Variants in RNF130 observed in about 807,000 individuals in gnomAD.
RNF130 encodes E3 ubiquitin-protein ligase RNF130.
Under a neutral mutation model 44.6 loss-of-function variants are expected in RNF130, and 21 were observed. The ratio of observed to expected loss-of-function variants is 0.47; its 90% CI spans 0.33 to 0.68. RNF130 has a LOEUF of 0.68. Ranked by LOEUF, RNF130 falls within the 30% of genes least tolerant of loss-of-function variation. The probability of loss-of-function intolerance (pLI) is 0.02; values close to 1 mark genes in which losing one functional copy is unlikely to be tolerated. For synonymous variants in RNF130, 214 were observed against 210.4 expected (o/e 1.02, Z -0.15); for missense variants, 479 against 560.6 (o/e 0.85, Z 1.47).
chr5:180,070,515 G>A (rs955458365), intron 1 of RNF130, among the ~76,000 whole-genome samples: 12 of 152,112 alleles, frequency 7.9e-5, no homozygotes, highest in African/African-American at 2.2e-4. Flanking sequence ...ACTTTATTTA[G>A]GTTGCCTACT....
intron 6 of RNF130, among the ~76,000 whole-genome samples, chr5:179,968,921 C>T (rs899982564): frequency 6.6e-6 from 1 of 152,050 alleles, no homozygotes; most frequent in Non-Finnish European, 1.5e-5. Flanking sequence ...CACTAATGCC[C>T]GATACTTTGA....
chr5:179,984,156 G>A (rs1762902030), intron 3 of RNF130, among the ~76,000 whole-genome samples: 1 of 151,980 alleles, frequency 6.6e-6, no homozygotes, highest in South Asian at 2.1e-4. Flanking sequence ...ATCTACTGTT[G>A]GTCTTTTTCA....
intron 1 of RNF130, among the ~76,000 whole-genome samples, chr5:180,044,948 A>ATCCT (rs1352044166): frequency 6.6e-6 from 1 of 152,174 alleles, no homozygotes; most frequent in African/African-American, 2.4e-5. Context: ...AGGAGGGAGG[A>ATCCT]GGGCAGGACG....
chr5:180,050,496 G>A (rs908962272), intron 1 of RNF130, among the ~76,000 whole-genome samples: 3 of 152,170 alleles, frequency 2.0e-5, no homozygotes, highest in East Asian at 1.9e-4. Context: ...CACCCTGACC[G>A]AAACACAAGA....
chr5:179,953,755 CAT>C (rs989867879), downstream of RNF130, among the ~76,000 whole-genome samples: 4 of 152,148 alleles, frequency 2.6e-5, no homozygotes, highest in African/African-American at 9.7e-5. Flanking sequence ...GAAAAATAAA[CAT>C]ATTCAACTTC....
chr5:180,003,682 G>A (rs1046808921), intron 3 of RNF130, among the ~76,000 whole-genome samples: 1 of 147,700 alleles, frequency 6.8e-6, no homozygotes, highest in African/African-American at 2.4e-5. Flanking sequence ...CTGTCTAAAA[G>A]CCACTATTTT....
chr5:179,979,861 A>G (rs1762795834), intron 4 of RNF130, among the ~76,000 whole-genome samples: 1 of 152,244 alleles, frequency 6.6e-6, no homozygotes, highest in Admixed American at 6.5e-5. Flanking sequence ...AAGTATAGGA[A>G]GAAAACACAT....
At chr5:179,951,415 G>A (rs1256534401), downstream of RNF130, among the ~76,000 whole-genome samples, 2 of 149,356 alleles carry the variant, frequency 1.3e-5, no homozygotes, top group East Asian at 3.9e-4. Flanking sequence ...ATGGAGTCTC[G>A]CTTTGTCGCC....
intron 8 of RNF130, among the ~76,000 whole-genome samples, chr5:179,958,428 C>T (rs547973962): frequency 4.7e-4 from 72 of 152,282 alleles, no homozygotes; most frequent in African/African-American, 1.7e-3. Context: ...AAAAACACTG[C>T]TTTTGATATT....
chr5:179,954,327 C>A (rs998168759), downstream of RNF130, among the ~76,000 whole-genome samples: 3 of 152,198 alleles, frequency 2.0e-5, no homozygotes, highest in African/African-American at 7.2e-5. Flanking sequence ...AACAGCCGAA[C>A]AGCGGAAACA....
chr5:179,994,771 C>G (rs1312003599), intron 3 of RNF130, among the ~76,000 whole-genome samples: 2 of 152,184 alleles, frequency 1.3e-5, no homozygotes, highest in African/African-American at 4.8e-5. Flanking sequence ...CTTATGTAAG[C>G]AGATGTTGTA....
At chr5:179,956,483 G>C (rs1397677521) in intron 8 of RNF130, 2 of 152,180 alleles carry the variant, frequency 1.3e-5, no homozygotes, top group Non-Finnish European at 2.9e-5. Flanking sequence ...AAGCAACTTC[G>C]CAGCCACTAG....
At chr5:179,984,206 A>T (rs1480915041) in intron 3 of RNF130, among the ~76,000 whole-genome samples, 2 of 152,184 alleles carry the variant, frequency 1.3e-5, no homozygotes, top group Non-Finnish European at 2.9e-5. Context: ...TTCTACAGAA[A>T]ATAATGTTGT....
chr5:180,043,859 A>G (rs1264759588), intron 1 of RNF130, among the ~76,000 whole-genome samples: 1 of 152,224 alleles, frequency 6.6e-6, no homozygotes, highest in African/African-American at 2.4e-5. Flanking sequence ...ATACAAAATA[A>G]GCAAGGATAG....
intron 7 of RNF130, among the ~76,000 whole-genome samples, chr5:179,928,556 T>C (rs764017044): frequency 3.3e-5 from 5 of 152,188 alleles, no homozygotes; most frequent in African/African-American, 4.8e-5. Flanking sequence ...TTCTCCTTTA[T>C]TGTGACTGTG....
intron 2 of RNF130, among the ~76,000 whole-genome samples, chr5:180,032,580 G>A (rs996362243): frequency 3.3e-5 from 5 of 152,158 alleles, no homozygotes; most frequent in Non-Finnish European, 5.9e-5. Flanking sequence ...TTCAGCACTG[G>A]TTGTTGAAAG....
At position 179,940,965 on chromosome 5, in the gene RNF130, GC is replaced by G. The variant is rs1408795861; in HGVS notation, c.1151-20540del. On this transcript the variant is annotated intron_variant, in intron 7 of 7. Coordinates refer to the RNF130 transcript ENST00000522208. Reference sequence around the variant, plus strand: ...ATTCCAGTTCATGAATCCTCTCTTAGCTGTGTTTAAGTTGATGTTAAACTCT... The same window carrying G: ...ATTCCAGTTCATGAATCCTCTCTTAGTGTGTTTAAGTTGATGTTAAACTCT... Among the ~76,000 whole-genome samples the G allele has an allele frequency of 2.9e-4, 44 of 151,850 alleles. 1 individual carries two copies. Among genetic ancestry groups the G allele is most frequent in the Non-Finnish European group, 2.9e-5 (2 of 67,970 alleles).
chr5:180,058,065 AG>A (rs1388700125), intron 1 of RNF130, among the ~76,000 whole-genome samples: 1 of 152,226 alleles, frequency 6.6e-6, no homozygotes, highest in Non-Finnish European at 1.5e-5. Flanking sequence ...AGAGTGCTGC[AG>A]GTAAAAAGCT....
chr5:179,991,609 C>A (rs1157783109), intron 3 of RNF130, among the ~76,000 whole-genome samples: 1 of 152,130 alleles, frequency 6.6e-6, no homozygotes, highest in Non-Finnish European at 1.5e-5. Context: ...GGATGTTTTT[C>A]TTCCACTTGA....
Sources: allele counts gnomAD v4.1 joint callset (sites outside exome capture counted in the v4.1 genomes callset), GRCh38; gene constraint gnomAD v4.1.1; transcripts MANE v1.5; gene names NCBI Gene and HGNC (gene_info 2026-07-23, HGNC 2026-07-21).